The following SLC38A6 variants were observed in gnomAD, a reference collection of about 807,000 sequenced individuals.
SLC38A6 encodes the protein solute carrier family 38 member 6.
Under a neutral mutation model 65.0 loss-of-function variants are expected in SLC38A6, and 73 were observed. The observed-to-expected ratio is 1.12, with a 90% confidence interval of 0.93 to 1.37. SLC38A6 has a LOEUF of 1.37. SLC38A6 is among the 40% of genes most tolerant of loss of function. The pLI is 0.00. For missense variants in SLC38A6, 561 were observed against 531.1 expected (o/e 1.06, Z -0.55); for synonymous variants, 183 against 178.8 (o/e 1.02, Z -0.19).
At chr14:61,054,109 A>C (rs2042624590), downstream of SLC38A6, among the ~76,000 whole-genome samples, 1 of 152,188 alleles carries the variant, frequency 6.6e-6, no homozygotes, top group African/African-American at 2.4e-5. Flanking sequence ...CAGTCATTCC[A>C]GCATCATTTA....
intron 3 of SLC38A6, among the ~76,000 whole-genome samples, chr14:61,012,539 C>G (rs1020152139): frequency 2.0e-5 from 3 of 152,186 alleles, no homozygotes; most frequent in Non-Finnish European, 4.4e-5. Context: ...AAAGTTCCCT[C>G]TACACACTGC....
intron 16 of SLC38A6, among the ~76,000 whole-genome samples, chr14:61,082,292 A>C (rs1281845935): frequency 6.6e-6 from 1 of 152,158 alleles, no homozygotes. Flanking sequence ...CAGTGAGCCT[A>C]CTTACTCACT....
intron 3 of SLC38A6, among the ~76,000 whole-genome samples, chr14:61,004,988 C>G (rs1375900751): frequency 6.6e-6 from 1 of 152,048 alleles, no homozygotes; most frequent in Non-Finnish European, 1.5e-5. Flanking sequence ...GCTTATCCAC[C>G]ATGATCAAGT....
At chr14:60,985,661 A>G (rs2037400319) in intron 3 of SLC38A6, among the ~76,000 whole-genome samples, 1 of 152,250 alleles carries the variant, frequency 6.6e-6, no homozygotes, top group Admixed American at 6.5e-5. Flanking sequence ...ATAGATAAAA[A>G]TGGATTTCTT....
chr14:61,026,455 G>T (rs1339744268), intron 5 of SLC38A6, among the ~76,000 whole-genome samples: 1 of 151,928 alleles, frequency 6.6e-6, no homozygotes, highest in African/African-American at 2.4e-5. Context: ...GAAATACATT[G>T]AAAATATATC....
At chr14:61,010,738 A>C (rs993504504) in intron 3 of SLC38A6, among the ~76,000 whole-genome samples, 4 of 152,022 alleles carry the variant, frequency 2.6e-5, no homozygotes, top group Non-Finnish European at 5.9e-5. Flanking sequence ...TTCCATTGGT[A>C]TATATATCTG....
At chr14:61,013,031 A>T (rs561871837) in intron 3 of SLC38A6, among the ~76,000 whole-genome samples, 102 of 152,232 alleles carry the variant, frequency 6.7e-4, no homozygotes, top group Non-Finnish European at 1.1e-3. Context: ...GTCTCTTTGT[A>T]GGTCTCTAAG....
intron 3 of SLC38A6, among the ~76,000 whole-genome samples, chr14:60,996,100 T>C (rs1361302204): frequency 2.0e-5 from 3 of 152,170 alleles, no homozygotes; most frequent in African/African-American, 7.2e-5. Flanking sequence ...AGGATGTTGA[T>C]TGTAGGGGAA....
chr14:61,030,303 G>T, intron 5 of SLC38A6, 142 bp from the exon 6 acceptor site: 1 of 517,716 alleles, frequency 1.9e-6, no homozygotes, highest in East Asian at 3.3e-5. Context: ...GTGTGTGTAT[G>T]TATCTTTGGT....
intron 8 of SLC38A6, among the ~76,000 whole-genome samples, 183 bp from the exon 9 acceptor site, chr14:61,042,963 AC>A (rs1467686344): frequency 3.3e-5 from 5 of 152,176 alleles, no homozygotes; most frequent in African/African-American, 1.2e-4. Context: ...GCAGTCTCCA[AC>A]CGCCTCCCTA....
chr14:60,983,431 T>C (rs1014302899), intron 2 of SLC38A6, among the ~76,000 whole-genome samples: 7 of 152,106 alleles, frequency 4.6e-5, no homozygotes, highest in Admixed American at 1.3e-4. Flanking sequence ...TGAGCCATGA[T>C]TGGGCTACTG....
intron 2 of SLC38A6, among the ~76,000 whole-genome samples, chr14:60,984,026 G>A (rs2037273754): frequency 6.6e-6 from 1 of 152,082 alleles, no homozygotes; most frequent in Admixed American, 6.5e-5. Context: ...GACTGGGGCA[G>A]TTCACTGGGG....
At chr14:60,997,183 G>A (rs927218974) in intron 3 of SLC38A6, among the ~76,000 whole-genome samples, 3 of 152,082 alleles carry the variant, frequency 2.0e-5, no homozygotes, top group Admixed American at 1.3e-4. Context: ...CTGGAGTGCA[G>A]TGGTGTAATC....
intron 4 of SLC38A6, among the ~76,000 whole-genome samples, chr14:61,018,236 G>C (rs1156301130): frequency 6.6e-6 from 1 of 152,108 alleles, no homozygotes; most frequent in Non-Finnish European, 1.5e-5. Flanking sequence ...ACCTACTACT[G>C]ACAGTAGGTA....
At chr14:61,031,688 A>T (rs2041002703) in intron 6 of SLC38A6, among the ~76,000 whole-genome samples, 1 of 151,998 alleles carries the variant, frequency 6.6e-6, no homozygotes, top group South Asian at 2.1e-4. Context: ...GTTGATAAAC[A>T]ATTCCTATAA....
intron 3 of SLC38A6, 29 bp from the exon 4 acceptor site, chr14:61,015,875 A>G (rs1251660182): frequency 6.3e-7 from 1 of 1,582,188 alleles, no homozygotes. Context: ...GTTTTGTGTA[A>G]AAGTGAACAT....
At chr14:60,997,576 C>T (rs1262451737) in intron 3 of SLC38A6, among the ~76,000 whole-genome samples, 1 of 152,186 alleles carries the variant, frequency 6.6e-6, no homozygotes, top group Non-Finnish European at 1.5e-5. Context: ...ATTTGTCGGT[C>T]TAACTCTTAA....
At chr14:61,063,335 C>T (rs1041163239) in intron 15 of SLC38A6, among the ~76,000 whole-genome samples, 1 of 152,128 alleles carries the variant, frequency 6.6e-6, no homozygotes, top group African/African-American at 2.4e-5. Context: ...TGCCTGTGTA[C>T]TTCAAAGTCC....
chr14:61,018,539 C>G (rs957980766), intron 4 of SLC38A6, among the ~76,000 whole-genome samples: 4 of 152,140 alleles, frequency 2.6e-5, no homozygotes, highest in African/African-American at 9.7e-5. Context: ...TTATCTGTTC[C>G]CAATTCATGT....
Sources: allele counts gnomAD v4.1 joint callset (sites outside exome capture counted in the v4.1 genomes callset), GRCh38; gene constraint gnomAD v4.1.1; transcripts MANE v1.5; gene names NCBI Gene and HGNC (gene_info 2026-07-23, HGNC 2026-07-21).